Variants in SGCZ observed in about 807,000 individuals in gnomAD.
The protein encoded by SGCZ is zeta-sarcoglycan.
Under a neutral mutation model 41.3 loss-of-function variants are expected in SGCZ, and 40 were observed. The ratio of observed to expected loss-of-function variants is 0.97; its 90% CI spans 0.75 to 1.26. The LOEUF (loss-of-function observed/expected upper bound fraction) is 1.26. Among genes scored for constraint, SGCZ ranks in the 50% most tolerant of loss-of-function variants. The pLI, the probability that SGCZ is intolerant of heterozygous loss-of-function variation, is 0.00. For missense variants in SGCZ, 552 were observed against 369.8 expected, an observed-to-expected ratio of 1.49 and a Z score of -4.04; for synonymous variants, 206 against 137.5, an observed-to-expected ratio of 1.50 and a Z score of -3.49.
intron 4 of SGCZ, among the ~76,000 whole-genome samples, chr8:14,226,794 G>C (rs1806387807): frequency 6.6e-6 from 1 of 152,016 alleles, no homozygotes; most frequent in Non-Finnish European, 1.5e-5. Flanking sequence ...TTTTTAGAAA[G>C]GTGTAATGTT....
At chr8:14,971,191 C>G (rs757026499) in intron 1 of SGCZ, among the ~76,000 whole-genome samples, 8 of 152,112 alleles carry the variant, frequency 5.3e-5, no homozygotes, top group Non-Finnish European at 1.2e-4. Context: ...CATGAACAGT[C>G]ATGTTAGTTT....
chr8:14,471,568 A>T (rs189682355), intron 2 of SGCZ, among the ~76,000 whole-genome samples: 13 of 152,220 alleles, frequency 8.5e-5, no homozygotes, highest in Middle Eastern at 6.8e-3. Context: ...TCAAATAAGG[A>T]TTCCTTTTGC....
intron 1 of SGCZ, among the ~76,000 whole-genome samples, chr8:15,214,046 A>T (rs963241482): frequency 5.3e-5 from 8 of 152,032 alleles, no homozygotes; most frequent in Non-Finnish European, 7.4e-5. Flanking sequence ...AACTTATAGA[A>T]GCTTTTGTAT....
intron 5 of SGCZ, among the ~76,000 whole-genome samples, chr8:14,122,376 C>T (rs993326461): frequency 1.3e-5 from 2 of 152,118 alleles, no homozygotes; most frequent in Non-Finnish European, 2.9e-5. Context: ...ATAACAAAAA[C>T]ATTCTGGGGT....
At chr8:15,213,427 A>G (rs1801301481) in intron 1 of SGCZ, among the ~76,000 whole-genome samples, 1 of 151,740 alleles carries the variant, frequency 6.6e-6, no homozygotes, top group South Asian at 2.1e-4. Context: ...GTGAAACATT[A>G]AAAAGCCAAA....
chr8:15,032,293 A>C (rs1011718365), intron 1 of SGCZ, among the ~76,000 whole-genome samples: 7 of 152,182 alleles, frequency 4.6e-5, no homozygotes, highest in African/African-American at 1.7e-4. Flanking sequence ...AAAGAAATAA[A>C]AAAGAAATTA....
intron 2 of SGCZ, among the ~76,000 whole-genome samples, chr8:14,452,171 A>G (rs1800613487): frequency 1.3e-5 from 2 of 152,344 alleles, no homozygotes; most frequent in South Asian, 4.1e-4. Flanking sequence ...ATGAAATGAA[A>G]CGGAGACAAC....
At chr8:14,557,614 T>C (rs867731237) in intron 1 of SGCZ, among the ~76,000 whole-genome samples, 5 of 152,002 alleles carry the variant, frequency 3.3e-5, no homozygotes, top group African/African-American at 1.2e-4. Flanking sequence ...AGGTGGGAGA[T>C]GAGGATCCAG....
intron 3 of SGCZ, among the ~76,000 whole-genome samples, chr8:14,296,370 A>G (rs1801013235): frequency 6.6e-6 from 1 of 152,192 alleles, no homozygotes; most frequent in Admixed American, 6.5e-5. Context: ...AATACTGAGG[A>G]AAGTTCTTTA....
At chr8:14,117,718 A>G (rs1802568470) in intron 5 of SGCZ, among the ~76,000 whole-genome samples, 1 of 151,370 alleles carries the variant, frequency 6.6e-6, no homozygotes, top group African/African-American at 2.4e-5. Flanking sequence ...ATTTCTCCTA[A>G]TGTTATCCCT....
intron 1 of SGCZ, among the ~76,000 whole-genome samples, chr8:14,996,327 C>G (rs1585451439): frequency 6.6e-6 from 1 of 152,118 alleles, no homozygotes; most frequent in East Asian, 1.9e-4. Context: ...AACCATGCAC[C>G]CTGACAACTG....
At chr8:14,695,431 T>A (rs1808927420) in intron 1 of SGCZ, among the ~76,000 whole-genome samples, 1 of 152,148 alleles carries the variant, frequency 6.6e-6, no homozygotes, top group Non-Finnish European at 1.5e-5. Flanking sequence ...CTTTATCTCA[T>A]GTGTCCAAAA....
chr8:14,802,096 G>C (rs933457871), intron 1 of SGCZ, among the ~76,000 whole-genome samples: 1 of 152,168 alleles, frequency 6.6e-6, no homozygotes, highest in Admixed American at 6.5e-5. Context: ...GACGGGTTGC[G>C]TTAACTATGA....
intron 1 of SGCZ, among the ~76,000 whole-genome samples, chr8:14,937,886 G>C (rs1256560372): frequency 6.6e-6 from 1 of 152,068 alleles, no homozygotes; most frequent in Non-Finnish European, 1.5e-5. Flanking sequence ...AAAAATTCAT[G>C]ATGAATGAAT....
chr8:14,570,204 C>T (rs924495074), intron 1 of SGCZ, among the ~76,000 whole-genome samples: 2 of 152,126 alleles, frequency 1.3e-5, no homozygotes, highest in Admixed American at 6.5e-5. Context: ...CTCAATAATA[C>T]TTACTGAATA....
intron 3 of SGCZ, among the ~76,000 whole-genome samples, chr8:14,256,852 C>T (rs1799483399): frequency 6.6e-6 from 1 of 152,290 alleles, no homozygotes; most frequent in East Asian, 1.9e-4. Context: ...TTAATTACAG[C>T]TAAATTAATT....
At chr8:14,534,579 C>T (rs930720831) in intron 2 of SGCZ, among the ~76,000 whole-genome samples, 12 of 151,898 alleles carry the variant, frequency 7.9e-5, no homozygotes, top group Non-Finnish European at 1.8e-4. Flanking sequence ...TTGAGGTGCT[C>T]ATGATCTGGG....
At chr8:15,183,310 C>G (rs3988426) in intron 1 of SGCZ, among the ~76,000 whole-genome samples, 72,126 of 152,056 alleles carry the variant, frequency 0.47, 18,435 homozygotes, top group African/African-American at 0.65. Flanking sequence ...AACACAGTAG[C>G]TTTGTTTACA....
At chr8:14,751,509 A>G (rs1172995393) in intron 1 of SGCZ, among the ~76,000 whole-genome samples, 1 of 152,218 alleles carries the variant, frequency 6.6e-6, no homozygotes, top group Non-Finnish European at 1.5e-5. Flanking sequence ...ATTATAATTT[A>G]ATGGATATAA....
Sources: gnomAD v4.1 joint callset for allele counts (sites outside exome capture counted in the v4.1 genomes callset) on GRCh38, gnomAD v4.1.1 for gene constraint, MANE v1.5 for transcripts, NCBI Gene and HGNC (gene_info 2026-07-23, HGNC 2026-07-21) for gene names.